POLI: variants seen among roughly 807,000 people sequenced by gnomAD.
The protein encoded by POLI is DNA polymerase iota, also known as RAD30 homolog B.
In POLI, 58 loss-of-function variants were observed where a neutral mutation model predicts 51.6. The ratio of observed to expected loss-of-function variants is 1.12; its 90% CI spans 0.91 to 1.40. The LOEUF is 1.40. Among genes scored for constraint, POLI ranks in the 40% most tolerant of loss-of-function variants. POLI has a pLI of 0.00. For synonymous variants in POLI, 322 were observed against 299.7 expected, an observed-to-expected ratio of 1.07 and a Z score of -0.77; for missense variants, 921 against 871.3, an observed-to-expected ratio of 1.06 and a Z score of -0.72.
chr18:54,269,789 G>A, intron 1 of POLI, 128 bp downstream of exon 1: 1 of 1,379,778 alleles, frequency 7.2e-7, no homozygotes, highest in Non-Finnish European at 9.3e-7. Flanking sequence ...TCTAAGAGAG[G>A]GCTGCCTCCC....
Position 54,271,473 on chromosome 18 carries a change from G to C in POLI, c.229G>C (p.Asp77His). The change falls in exon 2 of 10, where the codon GAC becomes CAC. Residue 77 changes from aspartate to histidine, a missense_variant. Transcript: ENST00000579534. Reference protein sequence around the residue: ...VEMISNPELKDKPLGVQQKYL... With the variant: ...VEMISNPELKHKPLGVQQKYL... ...AATGATCTCAAATCCAGAGCTAAAA[G>C]ACAAACCTTTAGGTAACTGTAGATT... is the stretch of plus-strand genomic sequence containing the variant. 1.9e-6 allele frequency: 3 copies of C among 1,599,636 alleles called. No homozygotes were observed. Among genetic ancestry groups the C allele is most frequent in the Non-Finnish European group, 1.7e-6 (2 of 1,169,980 alleles).
Position 54,297,803 on chromosome 18 carries a change from C to A in POLI, c.*3336C>A, listed in dbSNP as rs934646047. 3.5e-4 allele frequency: 337 copies of A among 951,996 alleles called. No homozygotes were observed. Among genetic ancestry groups the A allele is most frequent in the Non-Finnish European group, 4.1e-4 (325 of 799,530 alleles). The allele number at this position is 951,996 out of a possible 1,614,324, so 59.0% of individuals were successfully genotyped here. A position where few individuals can be genotyped will look rare whatever the true frequency, so the allele number is the denominator to read the frequency against. ...AAATTCCACAAGTTCTTTATTAAATCTCCAAATTGGATATTATTAGTATTT... is the reference window on the plus strand; with the variant it reads ...AAATTCCACAAGTTCTTTATTAAATATCCAAATTGGATATTATTAGTATTT... On this transcript the variant is annotated 3_prime_UTR_variant, in exon 10 of 10. Coordinates refer to ENST00000579534, the MANE Select transcript of POLI (RefSeq NM_007195.3).
At chr18:54,321,002 CCA>C (rs2088781759) in intron 4 of POLI, 1 of 152,030 alleles carries the variant, frequency 6.6e-6, no homozygotes, top group Admixed American at 6.6e-5. Flanking sequence ...TTAGATACTA[CCA>C]GTTTTACATG....
chr18:54,309,328 C>G (rs1490357993), intron 3 of POLI, among the ~76,000 whole-genome samples: 1 of 152,222 alleles, frequency 6.6e-6, no homozygotes, highest in Admixed American at 6.5e-5. Context: ...AGTTTTCCTT[C>G]TAACAGTCAG....
chr18:54,281,762 T>TA (rs1279591376), intron 5 of POLI, among the ~76,000 whole-genome samples: 2 of 145,260 alleles, frequency 1.4e-5, no homozygotes, highest in Non-Finnish European at 1.5e-5. Flanking sequence ...TTTTTTTTTT[T>TA]AACAGGCTTT....
At chr18:54,287,122 G>A (rs1188152212) in intron 7 of POLI, among the ~76,000 whole-genome samples, 159 bp from the exon 8 acceptor site, 2 of 152,054 alleles carry the variant, frequency 1.3e-5, no homozygotes, top group Non-Finnish European at 2.9e-5. Context: ...TGATTATTTG[G>A]ATACTCAGGG....
In POLI at chr18:54,280,733, G is replaced by A. The variant is rs370713519; in HGVS notation, c.626G>A (p.Arg209Gln). 7 of 1,613,878 alleles carry A rather than the reference G, an allele frequency of 4.3e-6. No homozygotes were observed. Among genetic ancestry groups the A allele is most frequent in the African/African-American group, 1.3e-5 (1 of 75,018 alleles). Reference protein sequence around the residue: ...LVGSQIAAEMREAMYNQLGLT... With the variant: ...LVGSQIAAEMQEAMYNQLGLT... ...GGATCTCAGATTGCAGCAGAGATGCGGGAAGCCATGTATAATCAGTTGGGG... is the reference window on the plus strand; with the variant it reads ...GGATCTCAGATTGCAGCAGAGATGCAGGAAGCCATGTATAATCAGTTGGGG... Residue 209 changes from arginine to glutamine, a missense_variant, in exon 5 of 10, where the codon CGG becomes CAG. Coordinates refer to ENST00000579534, the MANE Select transcript of POLI (RefSeq NM_007195.3).
chr18:54,276,630 T>C (rs1381949477), intron 3 of POLI, among the ~76,000 whole-genome samples: 1 of 152,230 alleles, frequency 6.6e-6, no homozygotes, highest in Admixed American at 6.5e-5. Flanking sequence ...TGCAAAACAA[T>C]CATTTTCTTT....
intron 8 of POLI, among the ~76,000 whole-genome samples, chr18:54,289,994 A>G (rs1418078058): frequency 2.0e-5 from 3 of 152,346 alleles, no homozygotes; most frequent in Non-Finnish European, 2.9e-5. Flanking sequence ...TAATTAAACT[A>G]AAGAGCTTCT....
At chr18:54,292,871 T>C (rs1040434699) in intron 9 of POLI, among the ~76,000 whole-genome samples, 6 of 152,078 alleles carry the variant, frequency 3.9e-5, no homozygotes, top group Non-Finnish European at 7.4e-5. Flanking sequence ...TTAATTAATC[T>C]GTGAAATTGG....
chr18:54,281,297 A>G (rs905249390), intron 5 of POLI, among the ~76,000 whole-genome samples: 3 of 152,186 alleles, frequency 2.0e-5, no homozygotes, highest in Non-Finnish European at 2.9e-5. Context: ...TAAGGCTACA[A>G]TGGACTTTCC....
intron 3 of POLI, among the ~76,000 whole-genome samples, chr18:54,315,127 G>T (rs893865809): frequency 1.2e-4 from 18 of 152,048 alleles, no homozygotes; most frequent in East Asian, 1.2e-3. Context: ...TTATGACATT[G>T]CTTCAGCTGC....
At chr18:54,310,424 A>G (rs780625924) in intron 3 of POLI, among the ~76,000 whole-genome samples, 3 of 151,778 alleles carry the variant, frequency 2.0e-5, no homozygotes, top group African/African-American at 7.3e-5. Context: ...CCACTTGTAA[A>G]TAAGTTATAA....
In POLI at chr18:54,282,981, A is replaced by G. The variant is rs199780326; in HGVS notation, c.941A>G (p.Asp314Gly). 9 of 1,610,818 alleles carry G rather than the reference A, an allele frequency of 5.6e-6. No individual in the cohort carries two copies. The East Asian group carries it at 2.0e-4, about 36-fold the overall frequency. Residue 314 changes from aspartate (D) to glycine (G), a missense_variant, in exon 6 of 10, where the codon GAT becomes GGT. By Grantham distance (94) the Asp-to-Gly change is moderately conservative (BLOSUM62 -1). Coordinates refer to ENST00000579534, the MANE Select transcript of POLI (RefSeq NM_007195.3). ...ATCCAAAAGCTCAGTTTTGGAGAGGATAACTCCCCTGTGATACTCTCAGGA... is the reference window on the plus strand; with the variant it reads ...ATCCAAAAGCTCAGTTTTGGAGAGGGTAACTCCCCTGTGATACTCTCAGGA... ...QRIQKLSFGEDNSPVILSGPP... is the reference protein window; with the variant it reads ...QRIQKLSFGEGNSPVILSGPP...
At chr18:54,287,443 C>T in intron 8 of POLI, 32 bp downstream of exon 8, 2 of 1,576,842 alleles carry the variant, frequency 1.3e-6, no homozygotes, top group Non-Finnish European at 1.7e-6. Context: ...GTTTCATTAG[C>T]AGGTTGAACT....
intron 2 of POLI, among the ~76,000 whole-genome samples, chr18:54,272,638 A>T (rs2087056232): frequency 6.7e-6 from 1 of 149,580 alleles, no homozygotes; most frequent in African/African-American, 2.5e-5. Flanking sequence ...TACTCGGTTA[A>T]TTTTTTTGTA....
chr18:54,293,679 C>G lies in POLI; in HGVS notation c.1435C>G (p.Pro479Ala), dbSNP rs774125458. The G allele has an allele frequency of 6.3e-7, 1 of 1,584,392 alleles. No individual in the cohort carries two copies. The highest frequency in any genetic ancestry group is 8.6e-7 in the Non-Finnish European group (1 of 1,168,178). The change falls in exon 10 of 10, where the codon CCC becomes GCC. Residue 479 changes from proline (P) to alanine (A), a missense_variant. Physicochemically the swap from Pro to Ala is conservative, Grantham distance 27. Coordinates refer to ENST00000579534, the MANE Select transcript of POLI (RefSeq NM_007195.3). ...KMKDTHMEDFPKDKETNRDFL... is the reference protein window; with the variant it reads ...KMKDTHMEDFAKDKETNRDFL... ...GAAAGACACTCATATGGAAGATTTTCCCAAAGACAAAGAAACAAACCGGGA... is the reference window on the plus strand; with the variant it reads ...GAAAGACACTCATATGGAAGATTTTGCCAAAGACAAAGAAACAAACCGGGA...
intron 1 of POLI, chr18:54,270,823 A>T (rs2086973133): frequency 1.3e-5 from 2 of 152,336 alleles, no homozygotes; most frequent in Non-Finnish European, 2.9e-5. Context: ...TATGTCCTAG[A>T]CACTGTTTTA....
chr18:54,307,343 C>T (rs530709727), intron 3 of POLI, among the ~76,000 whole-genome samples: 46 of 152,208 alleles, frequency 3.0e-4, no homozygotes, highest in Middle Eastern at 3.4e-3. Flanking sequence ...CGCTATGTAC[C>T]TAGTAGTCAT....
Sources: allele counts gnomAD v4.1 joint callset (sites outside exome capture counted in the v4.1 genomes callset), GRCh38; gene constraint gnomAD v4.1.1; transcripts MANE v1.5; gene names NCBI Gene and HGNC (gene_info 2026-07-23, HGNC 2026-07-21).